The following CNTNAP2 variants were observed in gnomAD, a reference collection of about 807,000 sequenced individuals.
CNTNAP2 encodes the protein contactin associated protein 2.
A neutral mutation model predicts 155.2 loss-of-function variants in CNTNAP2; 98 were observed. The ratio of observed to expected loss-of-function variants is 0.63; its 90% CI spans 0.54 to 0.75. The LOEUF is 0.75. CNTNAP2 is among the 30% of genes least tolerant of loss of function. The pLI, the probability that CNTNAP2 is intolerant of heterozygous loss-of-function variation, is 0.00. For missense variants in CNTNAP2, 1,727 were observed against 1,688.1 expected (o/e 1.02, Z -0.40); for synonymous variants, 651 against 631.2 (o/e 1.03, Z -0.47).
intron 1 of CNTNAP2, among the ~76,000 whole-genome samples, chr7:146,239,286 T>C (rs1157759887): frequency 6.6e-6 from 1 of 152,152 alleles, no homozygotes; most frequent in Non-Finnish European, 1.5e-5. Flanking sequence ...TCCTTGGTGA[T>C]CTATTTTCAA....
At chr7:147,022,978 GA>G (rs2129247206) in intron 3 of CNTNAP2, among the ~76,000 whole-genome samples, 1 of 152,188 alleles carries the variant, frequency 6.6e-6, no homozygotes, top group African/African-American at 2.4e-5. Context: ...ATGGAACCGA[GA>G]ATCATTAATC....
At chr7:147,886,353 T>A (rs1479325441) in intron 13 of CNTNAP2, among the ~76,000 whole-genome samples, 1 of 151,626 alleles carries the variant, frequency 6.6e-6, no homozygotes, top group Non-Finnish European at 1.5e-5. Flanking sequence ...CAGGCACCTG[T>A]AATCCCAGCT....
chr7:147,462,515 A>G (rs186465221), intron 10 of CNTNAP2, among the ~76,000 whole-genome samples: 67 of 152,280 alleles, frequency 4.4e-4, no homozygotes, highest in African/African-American at 1.4e-3. Context: ...ATTTGAATGT[A>G]TGTTCTCAAA....
At chr7:146,931,653 T>C in intron 3 of CNTNAP2, among the ~76,000 whole-genome samples, 1 of 150,028 alleles carries the variant, frequency 6.7e-6, no homozygotes, top group Non-Finnish European at 1.5e-5. Context: ...CAGGAACTGG[T>C]TTTTTGAAAG....
intron 15 of CNTNAP2, among the ~76,000 whole-genome samples, chr7:148,079,795 T>A (rs1045233099): frequency 4.6e-5 from 7 of 152,212 alleles, no homozygotes; most frequent in African/African-American, 1.7e-4. Flanking sequence ...TTAATGTTAA[T>A]GCTGGTCAGC....
intron 13 of CNTNAP2, among the ~76,000 whole-genome samples, chr7:147,881,165 A>T (rs2116715916): frequency 6.6e-6 from 1 of 152,326 alleles, no homozygotes; most frequent in South Asian, 2.1e-4. Flanking sequence ...ATGAAAAGGA[A>T]GTTCCTGAGA....
At chr7:147,332,010 T>G (rs1396153228) in intron 9 of CNTNAP2, among the ~76,000 whole-genome samples, 1 of 152,162 alleles carries the variant, frequency 6.6e-6, no homozygotes, top group Admixed American at 6.5e-5. Flanking sequence ...CTCTCCTTAT[T>G]AAGGTATACC....
At chr7:147,570,485 T>C (rs1800267889) in intron 12 of CNTNAP2, among the ~76,000 whole-genome samples, 1 of 152,186 alleles carries the variant, frequency 6.6e-6, no homozygotes, top group Non-Finnish European at 1.5e-5. Context: ...ACAATAAAGA[T>C]AAGCAAAAAT....
At chr7:148,050,305 G>A (rs1168107959) in intron 15 of CNTNAP2, among the ~76,000 whole-genome samples, 2 of 152,202 alleles carry the variant, frequency 1.3e-5, no homozygotes, top group African/African-American at 4.8e-5. Flanking sequence ...GTGTGGAGGT[G>A]GAAGACAGTG....
chr7:146,605,336 A>G (rs1323331892), intron 1 of CNTNAP2, among the ~76,000 whole-genome samples: 1 of 151,336 alleles, frequency 6.6e-6, no homozygotes, highest in East Asian at 2.0e-4. Context: ...CATTTTACCA[A>G]TGAGGAAATG....
chr7:147,601,726 G>T (rs1800950788), intron 12 of CNTNAP2, among the ~76,000 whole-genome samples: 1 of 147,000 alleles, frequency 6.8e-6, no homozygotes, highest in Non-Finnish European at 1.5e-5. Flanking sequence ...ATTTCTTAAT[G>T]TCTTTAAATA....
At chr7:147,957,772 AG>A (rs1208401924) in intron 14 of CNTNAP2, among the ~76,000 whole-genome samples, 1 of 152,186 alleles carries the variant, frequency 6.6e-6, no homozygotes, top group African/African-American at 2.4e-5. Context: ...ACGTAAAAAA[AG>A]ATATAAAGAA....
At chr7:147,116,535 G>A (rs1050561875) in intron 5 of CNTNAP2, among the ~76,000 whole-genome samples, 1 of 151,844 alleles carries the variant, frequency 6.6e-6, no homozygotes, top group Admixed American at 6.6e-5. Context: ...CCTGCCCTGG[G>A]AAGAAGAATG....
intron 3 of CNTNAP2, among the ~76,000 whole-genome samples, chr7:146,970,039 C>T (rs1312161176): frequency 2.6e-5 from 4 of 152,136 alleles, no homozygotes; most frequent in African/African-American, 7.2e-5. Flanking sequence ...CCCTTCCTTA[C>T]ACCTTATACA....
chr7:147,816,151 C>T (rs1031605884), intron 13 of CNTNAP2, among the ~76,000 whole-genome samples: 2 of 152,160 alleles, frequency 1.3e-5, no homozygotes, highest in African/African-American at 4.8e-5. Flanking sequence ...CCCATCCACA[C>T]AGGAGAAGTT....
intron 1 of CNTNAP2, among the ~76,000 whole-genome samples, chr7:146,278,056 T>C (rs1206643815): frequency 6.6e-6 from 1 of 152,228 alleles, no homozygotes; most frequent in African/African-American, 2.4e-5. Flanking sequence ...TGAAATGTTA[T>C]TGTCAGCAGA....
chr7:146,583,389 G>T (rs1159994306), intron 1 of CNTNAP2, among the ~76,000 whole-genome samples: 1 of 152,144 alleles, frequency 6.6e-6, no homozygotes, highest in Non-Finnish European at 1.5e-5. Flanking sequence ...TCAAACCCCA[G>T]TGAGGGAAAA....
chr7:148,232,154 C>T (rs2116783401), intron 20 of CNTNAP2, among the ~76,000 whole-genome samples: 1 of 152,320 alleles, frequency 6.6e-6, no homozygotes, highest in South Asian at 2.1e-4. Flanking sequence ...ACCCTGGGAC[C>T]TGCCCACCAC....
chr7:146,730,244 C>T (rs1238323619), intron 1 of CNTNAP2, among the ~76,000 whole-genome samples: 2 of 152,182 alleles, frequency 1.3e-5, no homozygotes, highest in Non-Finnish European at 2.9e-5. Flanking sequence ...TCAGTTTGCT[C>T]TCTTTCCCTA....
Sources: allele counts gnomAD v4.1 joint callset (sites outside exome capture counted in the v4.1 genomes callset), GRCh38; gene constraint gnomAD v4.1.1; transcripts MANE v1.5; gene names NCBI Gene and HGNC (gene_info 2026-07-23, HGNC 2026-07-21).